DOCK3: variants seen among roughly 807,000 people sequenced by gnomAD.
DOCK3 encodes the protein dedicator of cytokinesis protein 3.
A neutral mutation model predicts 265.6 loss-of-function variants in DOCK3; 60 were observed. That is an observed-to-expected ratio of 0.23 (90% CI 0.18 to 0.28). DOCK3 has a LOEUF of 0.28. DOCK3 is among the 10% of genes least tolerant of loss of function. The pLI, the probability that DOCK3 is intolerant of heterozygous loss-of-function variation, is 1.00. For synonymous variants in DOCK3, 881 were observed against 938.0 expected, an observed-to-expected ratio of 0.94 and a Z score of 1.11; for missense variants, 1,981 against 2,594.3, an observed-to-expected ratio of 0.76 and a Z score of 5.14.
chr3:51,207,464 T>C (rs2108118200), intron 12 of DOCK3, among the ~76,000 whole-genome samples: 1 of 152,276 alleles, frequency 6.6e-6, no homozygotes. Flanking sequence ...CTTTCCTTAT[T>C]TGGAAGAAAT....
intron 1 of DOCK3, among the ~76,000 whole-genome samples, chr3:50,718,619 T>C (rs947616554): frequency 2.6e-5 from 4 of 152,182 alleles, no homozygotes; most frequent in African/African-American, 9.7e-5. Context: ...AGAAAACCTT[T>C]CTGAATTATA....
rs915474450 is a variant in DOCK3, at chr3:50,739,065, T to TG, written c.38-39601dup. 2.5e-3 allele frequency among the ~76,000 whole-genome samples: 381 copies of TG among 152,216 alleles called. 2 individuals are homozygous for TG. Among genetic ancestry groups the TG allele is most frequent in the African/African-American group, 8.2e-3 (339 of 41,514 alleles). ...GGTCACATTCTTCCACTTGAGTTTT[T>TG]GGGGGGGGGTTATTTAGATTTAGGT... On this transcript the variant is annotated intron_variant, in intron 1 of 52. Coordinates refer to ENST00000266037, the MANE Select transcript of DOCK3 (RefSeq NM_004947.5).
chr3:51,101,133 A>C (rs1239770095), intron 9 of DOCK3, among the ~76,000 whole-genome samples: 6 of 39,242 alleles, frequency 1.5e-4, no homozygotes, highest in Admixed American at 1.3e-3. Flanking sequence ...TTTTTTTTTG[A>C]GACGGAGTCT....
chr3:50,979,521 C>G (rs749069899), intron 5 of DOCK3, among the ~76,000 whole-genome samples: 2 of 152,140 alleles, frequency 1.3e-5, no homozygotes, highest in South Asian at 2.1e-4. Context: ...CCCTCCTGCT[C>G]TCTTGCGCCA....
At chr3:50,985,042 T>G (rs1490530302) in intron 5 of DOCK3, among the ~76,000 whole-genome samples, 1 of 152,200 alleles carries the variant, frequency 6.6e-6, no homozygotes, top group Non-Finnish European at 1.5e-5. Context: ...TGTGTACCCA[T>G]GTAAATACAC....
At chr3:50,839,446 T>C (rs1199835548) in intron 2 of DOCK3, among the ~76,000 whole-genome samples, 1 of 152,180 alleles carries the variant, frequency 6.6e-6, no homozygotes, top group African/African-American at 2.4e-5. Context: ...CCATTTTGGA[T>C]TTCCATCAAG....
rs934659887 is a variant in DOCK3, at chr3:51,304,971, A to T, written c.2923-5261A>T. On this transcript the variant is annotated intron_variant, in intron 27 of 52. Transcript: ENST00000266037. The stretch of plus-strand genomic sequence containing the variant: ...GGACTTTCTTATGGCCTAACATATG[A>T]TCTGTCCTAGAGAAGGGAATGCACA... 3.9e-5 allele frequency among the ~76,000 whole-genome samples: 6 copies of T among 152,154 alleles called. No individual in the cohort carries two copies. In the South Asian group the frequency reaches 1.0e-3, roughly 26 times the overall value.
At chr3:51,098,970 A>G (rs1345292285) in intron 9 of DOCK3, among the ~76,000 whole-genome samples, 1 of 152,196 alleles carries the variant, frequency 6.6e-6, no homozygotes, top group Non-Finnish European at 1.5e-5. Context: ...CACATCCACA[A>G]AGAAAGCTAA....
intron 5 of DOCK3, among the ~76,000 whole-genome samples, chr3:51,050,461 G>T (rs6445600): frequency 6.6e-6 from 1 of 152,110 alleles, no homozygotes; most frequent in Admixed American, 6.6e-5. Context: ...GTAGCACATT[G>T]GGGTTCTCCA....
At chr3:51,217,713 C>T (rs1402098458) in intron 14 of DOCK3, among the ~76,000 whole-genome samples, 2 of 152,032 alleles carry the variant, frequency 1.3e-5, no homozygotes, top group Non-Finnish European at 2.9e-5. Flanking sequence ...TCCAGGTAAA[C>T]AAATGGATGT....
chr3:51,125,757 GA>G lies in DOCK3; in HGVS notation c.747-20787del, dbSNP rs1375824928. ...TATATCTTGTTTTATGCCAAACAGAGAAAAACTTGTATAGTGAGTAAAGGAA... is the reference window on the plus strand; with the variant it reads ...TATATCTTGTTTTATGCCAAACAGAGAAAACTTGTATAGTGAGTAAAGGAA... On this transcript the variant is annotated intron_variant, in intron 9 of 52. Transcript: ENST00000266037. 2.0e-5 allele frequency among the ~76,000 whole-genome samples: 3 copies of G among 152,044 alleles called. No individual in the cohort carries two copies. In the East Asian group the frequency reaches 5.8e-4, roughly 29 times the overall value.
intron 5 of DOCK3, among the ~76,000 whole-genome samples, chr3:51,046,260 A>G (rs527878922): frequency 4.6e-4 from 70 of 152,326 alleles, no homozygotes; most frequent in African/African-American, 1.7e-3. Context: ...TTTAAATGTA[A>G]ATACATTAAA....
chr3:50,690,178 G>C (rs924386619), intron 1 of DOCK3, among the ~76,000 whole-genome samples: 50 of 149,840 alleles, frequency 3.3e-4, no homozygotes, highest in African/African-American at 1.2e-3. Context: ...CTCTCTCCCA[G>C]GCTGGAGTGC....
At chr3:51,072,853 T>C (rs2081927575) in intron 6 of DOCK3, among the ~76,000 whole-genome samples, 1 of 151,552 alleles carries the variant, frequency 6.6e-6, no homozygotes, top group African/African-American at 2.4e-5. Flanking sequence ...TGCAGTCACA[T>C]GCCATCACAA....
At chr3:50,747,008 A>T (rs1043801592) in intron 1 of DOCK3, among the ~76,000 whole-genome samples, 5 of 151,980 alleles carry the variant, frequency 3.3e-5, no homozygotes, top group Non-Finnish European at 7.4e-5. Flanking sequence ...ATTCAAGTAC[A>T]TTTTTTTTCA....
chr3:51,325,993 A>G (rs1378355462), intron 32 of DOCK3, among the ~76,000 whole-genome samples: 1 of 151,676 alleles, frequency 6.6e-6, no homozygotes, highest in Non-Finnish European at 1.5e-5. Flanking sequence ...GCAAACCACC[A>G]TGGCACAGGT....
intron 5 of DOCK3, among the ~76,000 whole-genome samples, chr3:51,008,107 T>C (rs982666078): frequency 2.0e-5 from 3 of 152,210 alleles, no homozygotes; most frequent in African/African-American, 4.8e-5. Flanking sequence ...CAATGAGGGC[T>C]CTTTTTTGGT....
intron 5 of DOCK3, among the ~76,000 whole-genome samples, chr3:50,967,889 C>T (rs2077079047): frequency 6.6e-6 from 1 of 152,160 alleles, no homozygotes. Context: ...CAAACCATAT[C>T]AAATACCCAG....
rs189058004 is a variant in DOCK3 at position 50,888,548 on chromosome 3, G to A, written c.163-1478G>A. 3.2e-3 allele frequency among the ~76,000 whole-genome samples: 486 copies of A among 152,224 alleles called. 4 individuals are homozygous for A. The highest frequency in any genetic ancestry group is 0.017 in the Middle Eastern group (5 of 294). On this transcript the variant is annotated intron_variant, in intron 3 of 52. Coordinates refer to ENST00000266037, the MANE Select transcript of DOCK3 (RefSeq NM_004947.5). ...ATGGAACCAAAGAAGAGCCCGCATC[G>A]CCAAGTCAATCCTAAGCCGAAAGAA...
Sources: gnomAD v4.1 joint callset for allele counts (sites outside exome capture counted in the v4.1 genomes callset) on GRCh38, gnomAD v4.1.1 for gene constraint, MANE v1.5 for transcripts, NCBI Gene and HGNC (gene_info 2026-07-23, HGNC 2026-07-21) for gene names.